The following TNFSF4 variants were observed in gnomAD, a reference collection of about 807,000 sequenced individuals.
TNFSF4 encodes the protein TNF superfamily member 4, also known as tumor necrosis factor ligand superfamily member 4.
A neutral mutation model predicts 7.3 loss-of-function variants in TNFSF4; 4 were observed. The ratio of observed to expected loss-of-function variants is 0.55; its 90% CI spans 0.27 to 1.25. The LOEUF (loss-of-function observed/expected upper bound fraction) is 1.25. Among genes scored for constraint, TNFSF4 ranks in the 50% most tolerant of loss-of-function variants. The probability of loss-of-function intolerance (pLI) is 0.12; values close to 1 mark genes in which losing one functional copy is unlikely to be tolerated. For missense variants in TNFSF4, 181 were observed against 208.8 expected, an observed-to-expected ratio of 0.87 and a Z score of 0.82; for synonymous variants, 76 against 83.7, an observed-to-expected ratio of 0.91 and a Z score of 0.50.
the TNFSF4 span, among the ~76,000 whole-genome samples, chr1:173,176,405 C>A: frequency 1.2e-4 from 19 of 152,134 alleles, no homozygotes. Flanking sequence ...ACTCTGAAAT[C>A]AAAACCGCAG....
At chr1:173,232,678 AG>A in the TNFSF4 span, among the ~76,000 whole-genome samples, 1 of 152,162 alleles carries the variant, frequency 6.6e-6, no homozygotes, top group Non-Finnish European at 1.5e-5. Flanking sequence ...TTTAGCATGA[AG>A]GGCTGTTGGA....
the TNFSF4 span, among the ~76,000 whole-genome samples, chr1:173,247,559 C>T: frequency 1.3e-5 from 2 of 152,170 alleles, no homozygotes; most frequent in Non-Finnish European, 2.9e-5. Context: ...TTCATCTTTT[C>T]TCTATTTCAT....
chr1:173,182,200 T>C (rs1330226613), downstream of TNFSF4, among the ~76,000 whole-genome samples: 3 of 152,184 alleles, frequency 2.0e-5, no homozygotes. Context: ...TTTCTTATTC[T>C]CTTCTAGTAA....
At chr1:173,269,464 T>C in the TNFSF4 span, among the ~76,000 whole-genome samples, 3 of 152,144 alleles carry the variant, frequency 2.0e-5, no homozygotes, top group Non-Finnish European at 4.4e-5. Context: ...ACTTTACAGC[T>C]TCCATTTGCA....
chr1:173,427,052 C>T, the TNFSF4 span, among the ~76,000 whole-genome samples: 21 of 152,250 alleles, frequency 1.4e-4, no homozygotes, highest in Non-Finnish European at 2.4e-4. Context: ...AATCTGGACT[C>T]GTCACCTTCA....
At chr1:173,237,158 G>A in the TNFSF4 span, among the ~76,000 whole-genome samples, 5,078 of 152,210 alleles carry the variant, frequency 0.033, 352 homozygotes, top group East Asian at 0.22. Context: ...CCATGACTGT[G>A]AGACTGCCCC....
chr1:173,344,926 A>G, the TNFSF4 span, among the ~76,000 whole-genome samples: 1 of 152,220 alleles, frequency 6.6e-6, no homozygotes, highest in Non-Finnish European at 1.5e-5. Flanking sequence ...CTCCTCAAAG[A>G]GTCCATGCAA....
the TNFSF4 span, among the ~76,000 whole-genome samples, chr1:173,435,395 G>A: frequency 6.6e-6 from 1 of 152,164 alleles, no homozygotes; most frequent in South Asian, 2.1e-4. Flanking sequence ...GCTGTATTTG[G>A]TGTAAGGATG....
upstream of TNFSF4, among the ~76,000 whole-genome samples, chr1:173,209,816 A>C (rs555836738): frequency 2.6e-5 from 4 of 152,268 alleles, no homozygotes; most frequent in East Asian, 7.7e-4. Context: ...ATTTTTCTTA[A>C]AGTATCTCAC....
chr1:173,234,432 A>T, the TNFSF4 span, among the ~76,000 whole-genome samples: 3 of 152,248 alleles, frequency 2.0e-5, no homozygotes, highest in Non-Finnish European at 4.4e-5. Flanking sequence ...TTACCCAGCC[A>T]TCCCATTACT....
At chr1:173,338,920 G>A in the TNFSF4 span, among the ~76,000 whole-genome samples, 914 of 152,240 alleles carry the variant, frequency 6.0e-3, 3 homozygotes, top group Middle Eastern at 0.01. Flanking sequence ...AAGGAAATCG[G>A]ACTACTACTC....
the TNFSF4 span, among the ~76,000 whole-genome samples, chr1:173,296,024 T>TAGGAA: frequency 6.6e-6 from 1 of 152,068 alleles, no homozygotes; most frequent in Non-Finnish European, 1.5e-5. Context: ...AGTTTTTTCA[T>TAGGAA]AATACACATT....
the TNFSF4 span, among the ~76,000 whole-genome samples, chr1:173,301,050 C>A: frequency 6.6e-6 from 1 of 151,872 alleles, no homozygotes; most frequent in Non-Finnish European, 1.5e-5. Context: ...TAAAAAGATT[C>A]ATTTAATTTC....
At chr1:173,313,231 T>A in the TNFSF4 span, among the ~76,000 whole-genome samples, 1 of 152,154 alleles carries the variant, frequency 6.6e-6, no homozygotes, top group Non-Finnish European at 1.5e-5. Flanking sequence ...ATTTTTTTCT[T>A]CTGATTTATC....
At chr1:173,209,840 A>G (rs538170147), upstream of TNFSF4, among the ~76,000 whole-genome samples, 3 of 152,316 alleles carry the variant, frequency 2.0e-5, no homozygotes, top group Admixed American at 6.5e-5. Flanking sequence ...TATTAAATAC[A>G]TAAGCACACC....
chr1:173,262,122 C>T, the TNFSF4 span, among the ~76,000 whole-genome samples: 1 of 152,142 alleles, frequency 6.6e-6, no homozygotes, highest in African/African-American at 2.4e-5. Context: ...CATCAAAGAG[C>T]TTATCGACCA....
the TNFSF4 span, among the ~76,000 whole-genome samples, chr1:173,255,385 G>T: frequency 1.3e-5 from 2 of 152,284 alleles, no homozygotes; most frequent in East Asian, 1.9e-4. Context: ...GACTGTAATT[G>T]CTGACCTCTA....
chr1:173,338,846 T>C, the TNFSF4 span, among the ~76,000 whole-genome samples: 7 of 152,094 alleles, frequency 4.6e-5, no homozygotes, highest in African/African-American at 1.7e-4. Context: ...TCCTCCTGCC[T>C]CTGAAACAGC....
the TNFSF4 span, among the ~76,000 whole-genome samples, chr1:173,261,151 A>G: frequency 1.3e-5 from 2 of 152,204 alleles, no homozygotes; most frequent in Non-Finnish European, 2.9e-5. Context: ...CTCAGAAAGT[A>G]GCGCAATCAA....
Sources: gnomAD v4.1 joint callset for allele counts (sites outside exome capture counted in the v4.1 genomes callset) on GRCh38, gnomAD v4.1.1 for gene constraint, MANE v1.5 for transcripts, NCBI Gene and HGNC (gene_info 2026-07-23, HGNC 2026-07-21) for gene names.